The following APOA5 variants were observed in gnomAD, a reference collection of about 807,000 sequenced individuals.
APOA5 encodes the protein apolipoprotein A-V.
APOA5 carries 26 observed loss-of-function variants against 31.8 expected under a neutral mutation model. The ratio of observed to expected loss-of-function variants is 0.82; its 90% CI spans 0.60 to 1.13. APOA5 has a LOEUF of 1.13. Ranked by LOEUF, APOA5 falls within the 50% of genes most tolerant of loss-of-function variation. The pLI is 0.00. For synonymous variants in APOA5, 186 were observed against 198.5 expected, an observed-to-expected ratio of 0.94 and a Z score of 0.53; for missense variants, 450 against 488.0, an observed-to-expected ratio of 0.92 and a Z score of 0.73.
At chr11:116,791,159 A>C in intron 2 of APOA5, 92 bp from the exon 3 acceptor site, 7 of 1,188,090 alleles carry the variant, frequency 5.9e-6, no homozygotes, top group Non-Finnish European at 8.4e-6. Flanking sequence ...CCTCTGGGGG[A>C]ACCAAGGACG....
At chr11:116,791,407 G>T in intron 2 of APOA5, 179 bp downstream of exon 2, 1 of 757,638 alleles carries the variant, frequency 1.3e-6, no homozygotes, top group Non-Finnish European at 2.3e-6. Context: ...TCAAGGCGGG[G>T]GCTGCAGGCA....
chr11:116,791,339 C>G (rs891595334), intron 2 of APOA5: 2 of 701,986 alleles, frequency 2.8e-6, no homozygotes, highest in African/African-American at 3.5e-5. Flanking sequence ...CGGGCGTCCT[C>G]CCGATTGATC....
Position 116,789,973 on chromosome 11 carries a change from C to A in APOA5, c.*155G>T. ...GGGGAGTCGCAGGAGGCTGGATGTGCAGGAGACAGCAGCCCCTTTGGTGGC... is the reference window on the plus strand; with the variant it reads ...GGGGAGTCGCAGGAGGCTGGATGTGAAGGAGACAGCAGCCCCTTTGGTGGC... On this transcript the variant is annotated 3_prime_UTR_variant, in exon 3 of 3. Coordinates refer to ENST00000227665, the MANE Select transcript of APOA5 (RefSeq NM_001371904.1). 1 of 770,494 alleles carries A rather than the reference C, an allele frequency of 1.3e-6. No individual in the cohort carries two copies. The highest frequency in any genetic ancestry group is 2.2e-6 in the Non-Finnish European group (1 of 461,380). The allele number at this position is 770,494 out of a possible 1,614,324, so 47.7% of individuals were successfully genotyped here.
rs919059798 is a variant in APOA5, at chr11:116,789,847, C to G, written c.*281G>C. The G allele has an allele frequency of 1.7e-5, 9 of 533,624 alleles. No individual in the cohort carries two copies. The East Asian group carries it at 2.6e-4, about 16-fold the overall frequency. 33.1% of individuals were successfully genotyped at this position (533,624 alleles called of 1,614,324 possible). ...ACCCACATGCATGGTGCCTCTCCCT[C>G]CCTACTCCCTCACCCTTGAATGGAG... is the stretch of plus-strand genomic sequence containing the variant. On this transcript the variant is annotated 3_prime_UTR_variant, in exon 3 of 3. Coordinates refer to ENST00000227665, the MANE Select transcript of APOA5 (RefSeq NM_001371904.1).
At chr11:116,792,021 C>T, upstream of APOA5, 2 of 759,222 alleles carry the variant, frequency 2.6e-6, no homozygotes, top group Non-Finnish European at 4.5e-6. Flanking sequence ...TGTTGGGGCT[C>T]AAGAGGACTG....
In APOA5 at chr11:116,791,774, C is replaced by T. The variant is rs371626927; in HGVS notation, c.49+38G>A. 8.1e-6 allele frequency: 13 copies of T among 1,614,042 alleles called. No homozygotes were observed. The African/African-American group carries it at 1.6e-4, about 20-fold the overall frequency. ...GACAGGGCCCTCTGGCCAGCCTCCA[C>T]CCACACCCCCACGTTGAAGTCAGGG... On this transcript the variant is annotated intron_variant, in intron 1 of 2. Transcript: ENST00000227665.
intron 2 of APOA5, chr11:116,791,376 G>C (rs1591313592): frequency 1.5e-5 from 11 of 712,542 alleles, no homozygotes; most frequent in East Asian, 5.4e-5. Flanking sequence ...AGTGAGCAAG[G>C]GGGCAACAGC....
upstream of APOA5, chr11:116,791,881 G>A: frequency 6.2e-7 from 1 of 1,613,912 alleles, no homozygotes; most frequent in Non-Finnish European, 8.5e-7. Flanking sequence ...GAGAAGACAG[G>A]TGGAGGGAGG....
rs1014482648 is a variant in APOA5, at chr11:116,789,484, GCTCC to G, written c.*640_*643del. 1 of 161,066 alleles carries G rather than the reference GCTCC, an allele frequency of 6.2e-6. No homozygotes were observed. The highest frequency in any genetic ancestry group is 1.4e-5 in the Non-Finnish European group (1 of 72,694). 10.0% of individuals were successfully genotyped at this position (161,066 alleles called of 1,614,324 possible). A position where few individuals can be genotyped will look rare whatever the true frequency, so the allele number is the denominator to read the frequency against. On this transcript the variant is annotated 3_prime_UTR_variant, in exon 3 of 3. Transcript: ENST00000227665. ...GTATGCTCCCCAGAGGGTTTAAGGA[GCTCC>G]CACAGTTGGGAGGGTTCAGTCCCTT...
In APOA5 at chr11:116,790,584, C is replaced by T. The variant is rs1591312847; in HGVS notation, c.645G>A (p.Pro215=). 3 of 1,598,928 alleles carry T rather than the reference C, an allele frequency of 1.9e-6. No individual in the cohort carries two copies. The highest frequency in any genetic ancestry group is 2.7e-5 in the African/African-American group (2 of 74,942). Residue 215 remains proline (P), a synonymous_variant, in exon 3 of 3, where the codon CCG becomes CCA. Coordinates refer to ENST00000227665, the MANE Select transcript of APOA5 (RefSeq NM_001371904.1). ...GGCGCGCGGGGCTGGCGGGGGCGTGCGGAGCCACACTGCGGTGCAGCTCCT... is the reference window on the plus strand; with the variant it reads ...GGCGCGCGGGGCTGGCGGGGGCGTGTGGAGCCACACTGCGGTGCAGCTCCT... ...HVQELHRSVA[P]HAPASPARLS...
At position 116,790,935 on chromosome 11, in the gene APOA5, C is replaced by T. The variant is rs143382500; in HGVS notation, c.294G>A (p.Glu98=). ...GGCGAGCCTTCACCTCCTCCAACTC[C>T]TCCTGCAGCTGCCGCCGCATGCCCA... The part of the protein sequence containing the change: ...DPVGMRRQLQ[E]ELEEVKARLQ... Residue 98 remains glutamate (E), a synonymous_variant, in exon 3 of 3, where the codon GAG becomes GAA. Coordinates refer to ENST00000227665, the MANE Select transcript of APOA5 (RefSeq NM_001371904.1). 6.2e-7 allele frequency: 1 copy of T among 1,613,356 alleles called. No homozygotes were observed. Among genetic ancestry groups the T allele is most frequent in the South Asian group, 1.1e-5 (1 of 91,086 alleles).
chr11:116,791,334 G>A, intron 2 of APOA5: 1 of 702,648 alleles, frequency 1.4e-6, no homozygotes, highest in East Asian at 2.7e-5. Context: ...TGCAGCGGGC[G>A]TCCTCCCGAT....
chr11:116,791,731 C>T (rs1425586449), intron 1 of APOA5, 34 bp from the exon 2 acceptor site: 1 of 1,610,534 alleles, frequency 6.2e-7, no homozygotes, highest in Non-Finnish European at 8.5e-7. Context: ...AGGGCCTGGG[C>T]TCTCCTCCCC....
chr11:116,790,344 C>CTGCAGG lies in APOA5; in HGVS notation c.879_884dup (p.Leu294_Gln295insHisLeu). 6.2e-7 allele frequency: 1 copy of CTGCAGG among 1,614,108 alleles called. No homozygotes were observed. Among genetic ancestry groups the CTGCAGG allele is most frequent in the Non-Finnish European group, 8.5e-7 (1 of 1,180,050 alleles). ...CGATGGCGCGAGTGAAGGCAGCTAT[C>CTGCAGG]TGCAGGTAGGTGTCCTGGCGGAAAG... is the stretch of plus-strand genomic sequence containing the variant. On this transcript the variant is annotated inframe_insertion, in exon 3 of 3. Coordinates refer to ENST00000227665, the MANE Select transcript of APOA5 (RefSeq NM_001371904.1).
In APOA5 at chr11:116,790,478, C is replaced by T. The variant is rs372966851; in HGVS notation, c.751G>A (p.Asp251Asn). ...CTGCTGAGCTCTTCGCGCAGCTGGT[C>T]CAGGTTCTGCTGGATGCGTGCGTGC... The part of the protein sequence containing the change: ...ALHARIQQNL[D>N]QLREELSRAF... The change falls in exon 3 of 3, where the codon GAC becomes AAC. Residue 251 changes from aspartate to asparagine, a missense_variant. Asp to Asn is a conservative substitution (Grantham distance 23). Coordinates refer to ENST00000227665, the MANE Select transcript of APOA5 (RefSeq NM_001371904.1). 1.2e-6 allele frequency: 2 copies of T among 1,602,650 alleles called. No individual in the cohort carries two copies. Among genetic ancestry groups the T allele is most frequent in the Non-Finnish European group, 1.7e-6 (2 of 1,179,824 alleles).
At position 116,790,885 on chromosome 11, in the gene APOA5, T is replaced by A; in HGVS notation, c.344A>T (p.His115Leu). Residue 115 changes from histidine to leucine, a missense_variant, in exon 3 of 3, where the codon CAC becomes CTC. Coordinates refer to ENST00000227665, the MANE Select transcript of APOA5 (RefSeq NM_001371904.1). ...ARLQPYMAEA[H>L]ELVGWNLEGL... is the part of the protein sequence containing the mutation. ...CTCCAAATTCCAGCCCACCAGCTCGTGCGCCTCTGCCATGTAGGGCTGGAG... is the reference window on the plus strand; with the variant it reads ...CTCCAAATTCCAGCCCACCAGCTCGAGCGCCTCTGCCATGTAGGGCTGGAG... 1.2e-6 allele frequency: 2 copies of A among 1,613,596 alleles called. No homozygotes were observed. Among genetic ancestry groups the A allele is most frequent in the Non-Finnish European group, 1.7e-6 (2 of 1,179,980 alleles).
At position 116,790,450 on chromosome 11, in the gene APOA5, G is replaced by C; in HGVS notation, c.779C>G (p.Ala260Gly). 2 of 1,603,942 alleles carry C rather than the reference G, an allele frequency of 1.2e-6. No homozygotes were observed. Among genetic ancestry groups the C allele is most frequent in the Non-Finnish European group, 1.7e-6 (2 of 1,179,950 alleles). ...TTCCTCAGTCCCAGTGCCTGCAAAGGCTCTGCTGAGCTCTTCGCGCAGCTG... is the reference window on the plus strand; with the variant it reads ...TTCCTCAGTCCCAGTGCCTGCAAAGCCTCTGCTGAGCTCTTCGCGCAGCTG... ...LDQLREELSR[A>G]FAGTGTEEGA... is the part of the protein sequence containing the mutation. The change falls in exon 3 of 3, where the codon GCC (alanine) becomes GGC (glycine). Residue 260 changes from alanine (A) to glycine (G), a missense_variant. Ala to Gly is a moderately conservative substitution (Grantham distance 60). Coordinates refer to ENST00000227665, the MANE Select transcript of APOA5 (RefSeq NM_001371904.1).
At chr11:116,791,411 G>T (rs1046094879) in intron 2 of APOA5, 175 bp downstream of exon 2, 2 of 770,106 alleles carry the variant, frequency 2.6e-6, no homozygotes, top group Non-Finnish European at 4.4e-6. Flanking sequence ...GGCGGGGGCT[G>T]CAGGCAGAGG....
At chr11:116,791,503 G>A (rs1236437120) in intron 2 of APOA5, 83 bp downstream of exon 2, 10 of 1,348,680 alleles carry the variant, frequency 7.4e-6, no homozygotes, top group Middle Eastern at 2.3e-4. Context: ...CGGCCACAGA[G>A]GTTGAGGCAG....
Sources: allele counts gnomAD v4.1 joint callset, GRCh38; gene constraint gnomAD v4.1.1; transcripts MANE v1.5; gene names NCBI Gene and HGNC (gene_info 2026-07-23, HGNC 2026-07-21).